The following USP54 variants were observed in gnomAD, a reference collection of about 807,000 sequenced individuals.
The protein encoded by USP54 is ubiquitin carboxyl-terminal hydrolase 54.
USP54 carries 87 observed loss-of-function variants against 170.5 expected under a neutral mutation model. The observed-to-expected ratio is 0.51, with a 90% CI of 0.43 to 0.61. USP54 has a LOEUF of 0.61. USP54 is among the 20% of genes least tolerant of loss of function. The pLI, the probability that USP54 is intolerant of heterozygous loss-of-function variation, is 0.00. For missense variants in USP54, 1,786 were observed against 2,047.8 expected, an observed-to-expected ratio of 0.87 and a Z score of 2.47; for synonymous variants, 655 against 742.8, an observed-to-expected ratio of 0.88 and a Z score of 1.92.
At chr10:73,545,462 A>G in intron 5 of USP54, 76 bp downstream of exon 5, 1 of 1,566,054 alleles carries the variant, frequency 6.4e-7, no homozygotes, top group Non-Finnish European at 8.7e-7. Context: ...AAATTCCACC[A>G]TAAAGTAGCC....
At chr10:73,520,188 A>G (rs2061682124) in intron 18 of USP54, 196 bp from the exon 19 acceptor site, 2 of 714,402 alleles carry the variant, frequency 2.8e-6, no homozygotes, top group East Asian at 5.6e-5. Context: ...GATGGAAGCC[A>G]TGGAGGCCAA....
intron 4 of USP54, among the ~76,000 whole-genome samples, chr10:73,555,799 A>G (rs1224722296): frequency 6.6e-6 from 1 of 152,184 alleles, no homozygotes; most frequent in Non-Finnish European, 1.5e-5. Flanking sequence ...GATTGTCTAA[A>G]CTGTAGGATC....
chr10:73,519,709 G>A (rs779411528), intron 19 of USP54, 88 bp downstream of exon 19: 31 of 1,570,866 alleles, frequency 2.0e-5, no homozygotes, highest in Middle Eastern at 2.3e-4. Context: ...CCCTTCAGTC[G>A]CCAAGACAAT....
upstream of USP54, chr10:73,625,774 AC>A (rs892722392): frequency 1.3e-5 from 2 of 151,444 alleles, no homozygotes; most frequent in African/African-American, 4.9e-5. Context: ...CCTAGAGCAG[AC>A]CGGCGCCGCG....
chr10:73,608,827 G>T (rs111794009), intron 1 of USP54, among the ~76,000 whole-genome samples: 26 of 152,272 alleles, frequency 1.7e-4, no homozygotes, highest in African/African-American at 6.3e-4. Flanking sequence ...AACCTGGGAG[G>T]TGGAGGTTGC....
chr10:73,552,528 C>T (rs1273538154), intron 4 of USP54, among the ~76,000 whole-genome samples: 4 of 152,150 alleles, frequency 2.6e-5, no homozygotes, highest in Non-Finnish European at 4.4e-5. Context: ...TGGTGGCCCA[C>T]GCCTGTGATC....
At chr10:73,520,104 T>C in intron 18 of USP54, 112 bp from the exon 19 acceptor site, 2 of 1,437,618 alleles carry the variant, frequency 1.4e-6, no homozygotes, top group Admixed American at 2.1e-5. Flanking sequence ...TCAAAATATG[T>C]AGCAGGAACG....
intron 18 of USP54, 57 bp from the exon 19 acceptor site, chr10:73,520,049 AAAG>A: frequency 6.5e-7 from 1 of 1,533,154 alleles, no homozygotes; most frequent in South Asian, 1.2e-5. Context: ...ATAAAAATAA[AAAG>A]AATAAAATTG....
chr10:73,588,940 T>C (rs1352072783), intron 1 of USP54, among the ~76,000 whole-genome samples: 1 of 152,218 alleles, frequency 6.6e-6, no homozygotes, highest in Non-Finnish European at 1.5e-5. Flanking sequence ...CTACTAATAG[T>C]CATACATCAG....
chr10:73,505,729 G>T, intron 20 of USP54: 1 of 192,034 alleles, frequency 5.2e-6, no homozygotes. Context: ...AATTAGCCGG[G>T]CGTGGTGGCA....
At chr10:73,564,197 C>T (rs2073778510) in intron 4 of USP54, among the ~76,000 whole-genome samples, 1 of 152,104 alleles carries the variant, frequency 6.6e-6, no homozygotes, top group African/African-American at 2.4e-5. Flanking sequence ...GACAGGATCT[C>T]ATTTTGTTGC....
chr10:73,598,785 C>T (rs901757489), intron 1 of USP54, among the ~76,000 whole-genome samples: 3 of 152,130 alleles, frequency 2.0e-5, no homozygotes, highest in East Asian at 1.9e-4. Context: ...CTGGGCGTGG[C>T]AGCGTGCATC....
intron 1 of USP54, among the ~76,000 whole-genome samples, chr10:73,598,593 A>G (rs1231749751): frequency 2.0e-5 from 3 of 152,026 alleles, no homozygotes; most frequent in Non-Finnish European, 4.4e-5. Flanking sequence ...CCTGGCCAAT[A>G]TGGTGAAACC....
chr10:73,575,044 G>A (rs1309759210), intron 3 of USP54, among the ~76,000 whole-genome samples: 1 of 152,036 alleles, frequency 6.6e-6, no homozygotes, highest in East Asian at 1.9e-4. Context: ...GGCCAATATG[G>A]TGAAACCCCG....
intron 9 of USP54, among the ~76,000 whole-genome samples, chr10:73,540,313 G>A (rs2066322670): frequency 1.3e-5 from 2 of 151,092 alleles, no homozygotes; most frequent in African/African-American, 4.9e-5. Flanking sequence ...GCTCACGCCT[G>A]TAATCCCAGC....
chr10:73,609,498 G>A (rs2079951834), intron 1 of USP54, among the ~76,000 whole-genome samples: 1 of 151,638 alleles, frequency 6.6e-6, no homozygotes, highest in African/African-American at 2.4e-5. Flanking sequence ...AATCACTTGA[G>A]GTCAGGAGTT....
intron 19 of USP54, 23 bp from the exon 20 acceptor site, chr10:73,517,770 G>A (rs767628280): frequency 1.3e-6 from 2 of 1,584,706 alleles, no homozygotes; most frequent in East Asian, 2.2e-5. Flanking sequence ...GAGAGAGCTA[G>A]TCATAAGCTG....
intron 20 of USP54, among the ~76,000 whole-genome samples, chr10:73,515,006 C>T (rs2060829668): frequency 6.6e-6 from 1 of 151,510 alleles, no homozygotes; most frequent in African/African-American, 2.4e-5. Flanking sequence ...CGCCATTGCA[C>T]TCCAGCCTGG....
intron 1 of USP54, among the ~76,000 whole-genome samples, chr10:73,579,944 C>G (rs1261900935): frequency 6.6e-6 from 1 of 151,918 alleles, no homozygotes; most frequent in Non-Finnish European, 1.5e-5. Context: ...TAGTTAAAAA[C>G]AAAAACAAAA....
Sources: gnomAD v4.1 joint callset for allele counts (sites outside exome capture counted in the v4.1 genomes callset) on GRCh38, gnomAD v4.1.1 for gene constraint, MANE v1.5 for transcripts, NCBI Gene and HGNC (gene_info 2026-07-23, HGNC 2026-07-21) for gene names.